The following ASXL2 variants were observed in gnomAD, a reference collection of about 807,000 sequenced individuals.
The protein encoded by ASXL2 is putative Polycomb group protein ASXL2.
Under a neutral mutation model 122.0 loss-of-function variants are expected in ASXL2, and 23 were observed. The observed-to-expected ratio is 0.19, with a 90% CI of 0.14 to 0.27. The LOEUF (loss-of-function observed/expected upper bound fraction) is 0.27. Among genes scored for constraint, ASXL2 ranks in the 10% least tolerant of loss-of-function variants. The probability of loss-of-function intolerance (pLI) is 1.00; values close to 1 mark genes in which losing one functional copy is unlikely to be tolerated. For synonymous variants in ASXL2, 650 were observed against 637.0 expected (o/e 1.02, Z -0.31); for missense variants, 1,518 against 1,713.8 (o/e 0.89, Z 2.02).
At chr2:25,858,274 C>T (rs989322575) in intron 1 of ASXL2, among the ~76,000 whole-genome samples, 2 of 151,996 alleles carry the variant, frequency 1.3e-5, no homozygotes, top group Admixed American at 6.6e-5. Flanking sequence ...GCCTAAATCC[C>T]TTATCCTATA....
In ASXL2 at chr2:25,737,758, T is replaced by C. The variant is rs564123987; in HGVS notation, c.*4271A>G. On this transcript the variant is annotated 3_prime_UTR_variant, in exon 13 of 13. Transcript: ENST00000435504. Reference sequence around the variant, plus strand: ...AGAATATAGGAATACATACAATCTATATACATATATTTATTGCAAATACTT... The same window carrying C: ...AGAATATAGGAATACATACAATCTACATACATATATTTATTGCAAATACTT... 1.3e-5 allele frequency: 2 copies of C among 152,328 alleles called. No individual in the cohort carries two copies. Among genetic ancestry groups the C allele is most frequent in the African/African-American group, 4.8e-5 (2 of 41,572 alleles). The allele number at this position is 152,328 out of a possible 1,614,324, so 9.4% of individuals were successfully genotyped here.
intron 3 of ASXL2, among the ~76,000 whole-genome samples, chr2:25,814,963 G>C (rs891912462): frequency 6.6e-6 from 1 of 152,092 alleles, no homozygotes; most frequent in Non-Finnish European, 1.5e-5. Flanking sequence ...TGTGTAACTC[G>C]ATTGTACAGA....
intron 1 of ASXL2, among the ~76,000 whole-genome samples, chr2:25,871,095 T>C (rs905348182): frequency 1.4e-4 from 22 of 152,174 alleles, no homozygotes; most frequent in Non-Finnish European, 2.1e-4. Flanking sequence ...CTTTTAACAA[T>C]AGTAAAAACA....
intron 5 of ASXL2, among the ~76,000 whole-genome samples, chr2:25,782,059 C>T (rs11688263): frequency 0.38 from 56,820 of 147,848 alleles, 12,704 homozygotes; most frequent in Non-Finnish European, 0.51. Flanking sequence ...TCCTGCCCTA[C>T]CCTCCCGAAG....
intron 1 of ASXL2, among the ~76,000 whole-genome samples, chr2:25,855,519 A>C (rs1319860194): frequency 1.3e-5 from 2 of 152,144 alleles, no homozygotes; most frequent in African/African-American, 4.8e-5. Context: ...AAACACAAAA[A>C]TGAGCTGGGT....
intron 1 of ASXL2, among the ~76,000 whole-genome samples, chr2:25,855,882 C>CATTTATGTATTT (rs2089771219): frequency 7.0e-6 from 1 of 142,464 alleles, no homozygotes; most frequent in Non-Finnish European, 1.5e-5. Context: ...CTTGATAATG[C>CATTTATGTATTT]ATTTATTTAT....
At chr2:25,775,535 G>A (rs1202338157) in intron 5 of ASXL2, among the ~76,000 whole-genome samples, 3 of 152,102 alleles carry the variant, frequency 2.0e-5, no homozygotes, top group South Asian at 2.1e-4. Context: ...CTTCCCCCAC[G>A]TTGTTCTCGT....
intron 3 of ASXL2, among the ~76,000 whole-genome samples, chr2:25,818,699 C>CA (rs2089270628): frequency 1.3e-5 from 2 of 151,928 alleles, no homozygotes; most frequent in South Asian, 4.1e-4. Flanking sequence ...AAAATTCCAA[C>CA]AAAAAATATA....
At chr2:25,854,432 C>A (rs750217441) in intron 1 of ASXL2, among the ~76,000 whole-genome samples, 1 of 152,156 alleles carries the variant, frequency 6.6e-6, no homozygotes, top group Non-Finnish European at 1.5e-5. Flanking sequence ...AATTAAATAA[C>A]TTGCCTAAGG....
rs182139189 is a variant in ASXL2 at position 25,734,243 on chromosome 2, C to A, written c.*7786G>T. The A allele has an allele frequency of 1.3e-5, 2 of 151,988 alleles. No homozygotes were observed. Among genetic ancestry groups the A allele is most frequent in the East Asian group, 3.9e-4 (2 of 5,180 alleles). The allele number at this position is 151,988 out of a possible 1,614,324, so 9.4% of individuals were successfully genotyped here. A position where few individuals can be genotyped will look rare whatever the true frequency, so the allele number is the denominator to read the frequency against. On this transcript the variant is annotated 3_prime_UTR_variant, in exon 13 of 13. Transcript: ENST00000435504. ...TAGAGAATAAATTAAGATGTTTGTC[C>A]CAACCTAGAATCTGTCTCCTTATCT... is the stretch of plus-strand genomic sequence containing the variant.
chr2:25,789,926 T>C (rs2088806337), intron 5 of ASXL2, among the ~76,000 whole-genome samples: 1 of 152,192 alleles, frequency 6.6e-6, no homozygotes, highest in Non-Finnish European at 1.5e-5. Context: ...GATTTGGAGA[T>C]GACAGGATGT....
chr2:25,812,111 C>A (rs1318432654), intron 3 of ASXL2, among the ~76,000 whole-genome samples: 1 of 150,944 alleles, frequency 6.6e-6, no homozygotes, highest in Non-Finnish European at 1.5e-5. Flanking sequence ...ATGAACTGTA[C>A]ATGGGACCCT....
rs1201482660 is a variant in ASXL2 at position 25,736,045 on chromosome 2, C to T, written c.*5984G>A. ...ACTATTTTTGCTTACCTTTGCATAACCAGCACTTTAGTGCTTAGTGCACAG... is the reference window on the plus strand; with the variant it reads ...ACTATTTTTGCTTACCTTTGCATAATCAGCACTTTAGTGCTTAGTGCACAG... On this transcript the variant is annotated 3_prime_UTR_variant, in exon 13 of 13. Coordinates refer to ENST00000435504, the MANE Select transcript of ASXL2 (RefSeq NM_018263.6). The T allele has an allele frequency of 6.6e-6, 1 of 152,222 alleles. No homozygotes were observed. The highest frequency in any genetic ancestry group is 1.5e-5 in the Non-Finnish European group (1 of 68,042). The allele number at this position is 152,222 out of a possible 1,614,324, so 9.4% of individuals were successfully genotyped here. A position where few individuals can be genotyped will look rare whatever the true frequency, so the allele number is the denominator to read the frequency against.
At chr2:25,877,156 G>A (rs1413480379) in intron 1 of ASXL2, among the ~76,000 whole-genome samples, 1 of 152,108 alleles carries the variant, frequency 6.6e-6, no homozygotes, top group Non-Finnish European at 1.5e-5. Context: ...GGGCTACGTT[G>A]TCGAAGTATT....
At chr2:25,795,260 T>C (rs1471371185) in intron 5 of ASXL2, among the ~76,000 whole-genome samples, 6 of 152,182 alleles carry the variant, frequency 3.9e-5, no homozygotes, top group Non-Finnish European at 8.8e-5. Context: ...AAATAATCAA[T>C]ATTATAATAA....
intron 1 of ASXL2, among the ~76,000 whole-genome samples, chr2:25,876,531 A>G (rs932039823): frequency 2.6e-5 from 4 of 152,190 alleles, no homozygotes; most frequent in South Asian, 2.1e-4. Flanking sequence ...TTAAAAAAAC[A>G]ATTTTAAAGA....
chr2:25,781,959 C>CATTTTTT (rs2088646982), intron 5 of ASXL2, among the ~76,000 whole-genome samples: 1 of 88,400 alleles, frequency 1.1e-5, no homozygotes, highest in African/African-American at 4.4e-5. Context: ...ACCGCCCGGG[C>CATTTTTT]TTTTTTCTTT....
chr2:25,854,256 T>C (rs2089752007), intron 1 of ASXL2, among the ~76,000 whole-genome samples: 1 of 152,184 alleles, frequency 6.6e-6, no homozygotes, highest in Admixed American at 6.5e-5. Context: ...CTCTTCAAAC[T>C]CTTTAGAGTT....
intron 3 of ASXL2, among the ~76,000 whole-genome samples, chr2:25,829,454 A>G (rs1220932037): frequency 1.3e-5 from 2 of 152,234 alleles, no homozygotes. Context: ...TAAGTAAACC[A>G]AAAGACAGAA....
Sources: gnomAD v4.1 joint callset for allele counts (sites outside exome capture counted in the v4.1 genomes callset) on GRCh38, gnomAD v4.1.1 for gene constraint, MANE v1.5 for transcripts, NCBI Gene and HGNC (gene_info 2026-07-23, HGNC 2026-07-21) for gene names.